The following NETO1 variants were observed in gnomAD, a reference collection of about 807,000 sequenced individuals.
NETO1 encodes the protein neuropilin and tolloid-like protein 1.
Under a neutral mutation model 61.3 loss-of-function variants are expected in NETO1, and 26 were observed. The ratio of observed to expected loss-of-function variants is 0.42; its 90% confidence interval spans 0.31 to 0.59. NETO1 has a LOEUF of 0.59. Among genes scored for constraint, NETO1 ranks in the 20% least tolerant of loss-of-function variants. The pLI is 0.12. For missense variants in NETO1, 531 were observed against 662.8 expected (o/e 0.80, Z 2.18); for synonymous variants, 225 against 225.8 (o/e 1.00, Z 0.03).
intron 4 of NETO1, among the ~76,000 whole-genome samples, chr18:72,812,143 T>C (rs1487726229): frequency 6.6e-6 from 1 of 152,358 alleles, no homozygotes; most frequent in Non-Finnish European, 1.5e-5. Context: ...CTGCATTATA[T>C]GAAATAAGTA....
intron 4 of NETO1, among the ~76,000 whole-genome samples, chr18:72,829,828 C>T (rs1168778621): frequency 6.6e-6 from 1 of 152,128 alleles, no homozygotes; most frequent in East Asian, 1.9e-4. Context: ...CTTTCCTGTT[C>T]TGTCATATCA....
Position 72,865,204 on chromosome 18 carries a change from T to A in NETO1, c.66A>T (p.Ala22=), listed in dbSNP as rs376130428. ...TAAACACACCTGTTCCTTTCTTGGT[T>A]GCCCCAGACAAATGGAGGATGATTA... ...ASLIILHLSG[A]TKKGTEKQTT... is the part of the protein sequence containing the mutation. Residue 22 remains alanine (A), a synonymous_variant, in exon 2 of 11, where the codon GCA becomes GCT. Coordinates refer to ENST00000327305, the MANE Select transcript of NETO1 (RefSeq NM_138966.5). 6.2e-7 allele frequency: 1 copy of A among 1,613,098 alleles called. No individual in the cohort carries two copies. The highest frequency in any genetic ancestry group is 1.3e-5 in the African/African-American group (1 of 74,884).
intron 4 of NETO1, among the ~76,000 whole-genome samples, chr18:72,801,565 G>T (rs1397789651): frequency 6.6e-6 from 1 of 152,042 alleles, no homozygotes; most frequent in African/African-American, 2.4e-5. Flanking sequence ...TTTGTTCTCC[G>T]TGATTTTACT....
At chr18:72,812,269 C>A (rs2072892951) in intron 4 of NETO1, among the ~76,000 whole-genome samples, 1 of 152,218 alleles carries the variant, frequency 6.6e-6, no homozygotes, top group Admixed American at 6.5e-5. Context: ...TGTCTGATTG[C>A]ACAATTGTTC....
chr18:72,742,588 A>T (rs2070360578), downstream of NETO1: 1 of 152,216 alleles, frequency 6.6e-6, no homozygotes, highest in South Asian at 2.1e-4. Flanking sequence ...TACGGGGTTA[A>T]TATGAATAAG....
At chr18:72,753,343 C>T (rs1400925876) in intron 8 of NETO1, among the ~76,000 whole-genome samples, 2 of 151,428 alleles carry the variant, frequency 1.3e-5, no homozygotes, top group African/African-American at 4.8e-5. Context: ...CAGAAGGCAA[C>T]ATGATGACAC....
chr18:72,857,868 T>A (rs988847943), intron 4 of NETO1, among the ~76,000 whole-genome samples: 1 of 152,178 alleles, frequency 6.6e-6, no homozygotes, highest in African/African-American at 2.4e-5. Context: ...CATGATGTCA[T>A]AATGAAAGTC....
At chr18:72,841,536 C>A (rs1032449508) in intron 4 of NETO1, among the ~76,000 whole-genome samples, 1 of 151,776 alleles carries the variant, frequency 6.6e-6, no homozygotes, top group African/African-American at 2.4e-5. Context: ...AGTTTGAGAC[C>A]AGTCTGGCCA....
chr18:72,760,683 A>C (rs1274064990), intron 7 of NETO1, among the ~76,000 whole-genome samples: 1 of 152,170 alleles, frequency 6.6e-6, no homozygotes, highest in Non-Finnish European at 1.5e-5. Context: ...GATAAAGATA[A>C]TACTTACCCA....
intron 4 of NETO1, chr18:72,834,561 T>C (rs2073682969): frequency 2.0e-6 from 2 of 978,224 alleles, no homozygotes; most frequent in South Asian, 4.7e-5. Context: ...GAAAATCATG[T>C]AGTAATCTAT....
chr18:72,790,380 C>A (rs1258145281), intron 6 of NETO1, among the ~76,000 whole-genome samples: 1 of 152,010 alleles, frequency 6.6e-6, no homozygotes, highest in East Asian at 1.9e-4. Flanking sequence ...AAACCTTGAT[C>A]ATTTCCTCAA....
At chr18:72,858,111 T>A (rs944462715) in intron 4 of NETO1, among the ~76,000 whole-genome samples, 1 of 152,184 alleles carries the variant, frequency 6.6e-6, no homozygotes. Flanking sequence ...AATTAATGCA[T>A]GTAGTGTTCT....
chr18:72,848,510 G>C (rs1181261462), intron 4 of NETO1, among the ~76,000 whole-genome samples: 2 of 152,112 alleles, frequency 1.3e-5, no homozygotes, highest in Non-Finnish European at 2.9e-5. Flanking sequence ...AAACACAATG[G>C]TAGGGCAGGC....
chr18:72,867,147 G>C (rs992737737), intron 1 of NETO1, 117 bp downstream of exon 1: 1 of 694,894 alleles, frequency 1.4e-6, no homozygotes, highest in Non-Finnish European at 2.2e-6. Context: ...CGACCCGCGC[G>C]GGACTGCAGG....
intron 4 of NETO1, among the ~76,000 whole-genome samples, chr18:72,812,891 A>G (rs766221176): frequency 6.6e-6 from 1 of 152,234 alleles, no homozygotes; most frequent in Non-Finnish European, 1.5e-5. Flanking sequence ...ATTCCCTATG[A>G]CACATAAATT....
chr18:72,756,512 G>A (rs2070788367), intron 7 of NETO1, among the ~76,000 whole-genome samples: 1 of 152,008 alleles, frequency 6.6e-6, no homozygotes, highest in South Asian at 2.1e-4. Context: ...TAGTTTTACT[G>A]TGCAAAAACA....
intron 7 of NETO1, among the ~76,000 whole-genome samples, chr18:72,761,159 C>T (rs2070959948): frequency 1.4e-5 from 2 of 147,080 alleles, no homozygotes; most frequent in Admixed American, 1.3e-4. Flanking sequence ...ACTTAACTGA[C>T]ATTAAATTTT....
Position 72,830,727 on chromosome 18 carries a change from C to G in NETO1, c.469+28099G>C, listed in dbSNP as rs2073548383. ...TAAAGCAACAAAAGATGAATTTTAA[C>G]CACCTCCACTTTGACTGCATTTTCC... On this transcript the variant is annotated intron_variant, in intron 4 of 10. Coordinates refer to ENST00000327305, the MANE Select transcript of NETO1 (RefSeq NM_138966.5). The surrounding 1 kb of genome is among the most constrained non-coding windows in gnomAD (Gnocchi z 4.9). Among the ~76,000 whole-genome samples, 1 of 152,148 alleles carries G rather than the reference C, an allele frequency of 6.6e-6. No individual in the cohort carries two copies. Among genetic ancestry groups the G allele is most frequent in the African/African-American group, 2.4e-5 (1 of 41,442 alleles).
intron 4 of NETO1, among the ~76,000 whole-genome samples, chr18:72,811,633 C>T (rs1188193765): frequency 6.6e-6 from 1 of 152,054 alleles, no homozygotes; most frequent in Non-Finnish European, 1.5e-5. Context: ...GTGAGACCCA[C>T]ATCTCTACAA....
Sources: allele counts gnomAD v4.1 joint callset (sites outside exome capture counted in the v4.1 genomes callset), GRCh38; gene constraint gnomAD v4.1.1; non-coding constraint Gnocchi (gnomAD v3.1); transcripts MANE v1.5; gene names NCBI Gene and HGNC (gene_info 2026-07-23, HGNC 2026-07-21).